MAPK10: variants seen among roughly 807,000 people sequenced by gnomAD.
MAPK10 encodes the protein mitogen-activated protein kinase 10.
MAPK10 carries 25 observed loss-of-function variants against 59.3 expected under a neutral mutation model. The ratio of observed to expected loss-of-function variants is 0.42; its 90% CI spans 0.31 to 0.59. The LOEUF is 0.59. Among genes scored for constraint, MAPK10 ranks in the 20% least tolerant of loss-of-function variants. MAPK10 has a pLI of 0.15. For missense variants in MAPK10, 351 were observed against 568.9 expected, an observed-to-expected ratio of 0.62 and a Z score of 3.90; for synonymous variants, 190 against 200.5, an observed-to-expected ratio of 0.95 and a Z score of 0.44.
chr4:86,046,424 T>G lies in MAPK10; in HGVS notation c.1111-14993A>C, dbSNP rs188927744. Among the ~76,000 whole-genome samples, 6 of 151,308 alleles carry G rather than the reference T, an allele frequency of 4.0e-5. No individual in the cohort carries two copies. In the East Asian group the frequency reaches 1.3e-3, roughly 34 times the overall value. ...GTTTCCAGCTTCTGCCCATTCAGTA[T>G]GATATTTGCTATGGGTTTGTCATAA... is the stretch of plus-strand genomic sequence containing the variant. On this transcript the variant is annotated intron_variant, in intron 11 of 13. Coordinates refer to ENST00000641462, the MANE Select transcript of MAPK10 (RefSeq NM_138982.4).
intron 11 of MAPK10, among the ~76,000 whole-genome samples, chr4:86,036,601 T>C (rs557775615): frequency 1.3e-5 from 2 of 152,264 alleles, no homozygotes; most frequent in Non-Finnish European, 2.9e-5. Flanking sequence ...TAATTAATGA[T>C]GAAACTTTTA....
At chr4:86,073,099 A>G (rs1356363304) in intron 9 of MAPK10, among the ~76,000 whole-genome samples, 1 of 97,452 alleles carries the variant, frequency 1.0e-5, no homozygotes, top group East Asian at 2.8e-4. Flanking sequence ...CAGAGATTCA[A>G]CTTCTTCCTG....
chr4:86,504,378 G>A (rs1008006989), intron 1 of MAPK10, among the ~76,000 whole-genome samples: 8 of 151,904 alleles, frequency 5.3e-5, no homozygotes, highest in Non-Finnish European at 1.2e-4. Context: ...AACGTAAAGG[G>A]GTCTGTGAAT....
In MAPK10 at chr4:86,161,879, C is replaced by T. The variant is rs75007042; in HGVS notation, c.67-2412G>A. 5.7e-4 allele frequency among the ~76,000 whole-genome samples: 86 copies of T among 152,116 alleles called. No individual in the cohort carries two copies. In the East Asian group the frequency reaches 0.012, roughly 22 times the overall value. The stretch of plus-strand genomic sequence containing the variant: ...GCCTTTGGACTTCACTGTGGCTTTT[C>T]CAGCTATGGTCTCAGTCAATATATC... On this transcript the variant is annotated intron_variant, in intron 3 of 13. Transcript: ENST00000641462.
intron 3 of MAPK10, among the ~76,000 whole-genome samples, chr4:86,167,045 C>T (rs147505904): frequency 3.3e-5 from 5 of 152,236 alleles, no homozygotes; most frequent in African/African-American, 9.6e-5. Context: ...GGGGATATCA[C>T]CACTGATCCC....
At chr4:86,088,141 C>G (rs994916144) in intron 9 of MAPK10, among the ~76,000 whole-genome samples, 24 of 152,192 alleles carry the variant, frequency 1.6e-4, no homozygotes, top group African/African-American at 5.8e-4. Flanking sequence ...CTATTCATAT[C>G]TATTTAATAC....
At chr4:86,036,146 A>G (rs2040241960) in intron 11 of MAPK10, among the ~76,000 whole-genome samples, 1 of 152,220 alleles carries the variant, frequency 6.6e-6, no homozygotes, top group Non-Finnish European at 1.5e-5. Context: ...AATGAAGCAC[A>G]TGAGGATTTT....
chr4:86,434,936 T>C (rs919880462), intron 1 of MAPK10, among the ~76,000 whole-genome samples: 1 of 152,240 alleles, frequency 6.6e-6, no homozygotes, highest in Non-Finnish European at 1.5e-5. Flanking sequence ...ATGATCTATA[T>C]ACACAATGGA....
chr4:86,126,242 C>G (rs1379987354), intron 4 of MAPK10, among the ~76,000 whole-genome samples: 3 of 152,052 alleles, frequency 2.0e-5, no homozygotes, highest in Admixed American at 1.3e-4. Flanking sequence ...CTCTGTCCCT[C>G]TTTGTCTATT....
intron 1 of MAPK10, among the ~76,000 whole-genome samples, chr4:86,480,011 A>C (rs888435359): frequency 1.3e-5 from 2 of 151,944 alleles, no homozygotes; most frequent in African/African-American, 4.8e-5. Flanking sequence ...CGCCACCCCA[A>C]CACTTCAACA....
At chr4:86,316,723 T>C (rs2095794656) in intron 2 of MAPK10, among the ~76,000 whole-genome samples, 1 of 152,124 alleles carries the variant, frequency 6.6e-6, no homozygotes, top group Admixed American at 6.6e-5. Flanking sequence ...AGACAGAGAT[T>C]GTTCCAGGGG....
intron 2 of MAPK10, among the ~76,000 whole-genome samples, chr4:86,217,685 T>A (rs1163903341): frequency 6.6e-6 from 1 of 152,198 alleles, no homozygotes; most frequent in Non-Finnish European, 1.5e-5. Flanking sequence ...CATGGTCTTT[T>A]TTTCTAAATA....
At chr4:86,482,845 C>T (rs1753708400) in intron 1 of MAPK10, among the ~76,000 whole-genome samples, 1 of 152,112 alleles carries the variant, frequency 6.6e-6, no homozygotes, top group Non-Finnish European at 1.5e-5. Context: ...TAAATCACTG[C>T]CACCTAACAG....
At chr4:86,117,544 C>G (rs1212648516) in intron 4 of MAPK10, 1 of 152,176 alleles carries the variant, frequency 6.6e-6, no homozygotes, top group African/African-American at 2.4e-5. Flanking sequence ...CCATCTGACT[C>G]TTCTATGTCA....
At chr4:86,095,961 G>C (rs2149060781) in intron 9 of MAPK10, among the ~76,000 whole-genome samples, 1 of 151,594 alleles carries the variant, frequency 6.6e-6, no homozygotes, top group East Asian at 1.9e-4. Context: ...TCATTTTTTG[G>C]TAAAATTTAA....
intron 1 of MAPK10, chr4:86,358,208 C>G: frequency 1.0e-6 from 1 of 984,960 alleles, no homozygotes; most frequent in Non-Finnish European, 1.2e-6. Flanking sequence ...ATATGCTCAC[C>G]TAAAGTAGAA....
intron 6 of MAPK10, 89 bp from the exon 7 acceptor site, chr4:86,102,121 G>GT: frequency 8.4e-7 from 1 of 1,193,148 alleles, no homozygotes; most frequent in South Asian, 1.3e-5. Context: ...AACTCTGTAA[G>GT]TCTTCTGAAC....
intron 1 of MAPK10, among the ~76,000 whole-genome samples, chr4:86,554,424 G>A (rs1760096834): frequency 6.6e-6 from 1 of 152,044 alleles, no homozygotes; most frequent in Admixed American, 6.5e-5. Context: ...AAAGAAGACT[G>A]GAGTAATTAT....
chr4:86,238,430 C>T (rs1257945133), intron 2 of MAPK10, among the ~76,000 whole-genome samples: 2 of 151,984 alleles, frequency 1.3e-5, no homozygotes, highest in Non-Finnish European at 2.9e-5. Flanking sequence ...CTATAAATTA[C>T]TTTGGGCAGT....
Sources: allele counts gnomAD v4.1 joint callset (sites outside exome capture counted in the v4.1 genomes callset), GRCh38; gene constraint gnomAD v4.1.1; transcripts MANE v1.5; gene names NCBI Gene and HGNC (gene_info 2026-07-23, HGNC 2026-07-21).